The following GNA14 variants were observed in gnomAD, a reference collection of about 807,000 sequenced individuals.
GNA14 encodes guanine nucleotide-binding protein subunit alpha-14.
Under a neutral mutation model 42.0 loss-of-function variants are expected in GNA14, and 50 were observed. That is an observed-to-expected ratio of 1.19 (90% confidence interval 0.95 to 1.51). The LOEUF (loss-of-function observed/expected upper bound fraction) is 1.51. Among genes scored for constraint, GNA14 ranks in the 40% most tolerant of loss-of-function variants. The pLI is 0.00. For synonymous variants in GNA14, 173 were observed against 163.1 expected, an observed-to-expected ratio of 1.06 and a Z score of -0.46; for missense variants, 473 against 446.2, an observed-to-expected ratio of 1.06 and a Z score of -0.54.
intron 1 of GNA14, among the ~76,000 whole-genome samples, chr9:77,557,138 G>T (rs552520828): frequency 6.6e-6 from 1 of 152,276 alleles, no homozygotes; most frequent in South Asian, 2.1e-4. Context: ...CAGCAGCCTT[G>T]CCCTGGGCTG....
chr9:77,540,612 C>A lies in GNA14; in HGVS notation c.125-11359G>T, dbSNP rs188654100. 5.1e-4 allele frequency among the ~76,000 whole-genome samples: 78 copies of A among 152,204 alleles called. No homozygotes were observed. In the East Asian group the frequency reaches 0.012, roughly 23 times the overall value. ...TTATTGTACTGGAGTCTATCTCTCT[C>A]TTTAGATACAGTAATATTTGCTTAT... On this transcript the variant is annotated intron_variant, in intron 1 of 6. Coordinates refer to ENST00000341700, the MANE Select transcript of GNA14 (RefSeq NM_004297.4).
intron 2 of GNA14, among the ~76,000 whole-genome samples, chr9:77,451,239 T>C (rs1210772826): frequency 6.6e-6 from 1 of 152,256 alleles, no homozygotes; most frequent in East Asian, 1.9e-4. Context: ...AGTTTCCTCA[T>C]TGGTAAAATG....
At chr9:77,571,125 G>C (rs1823052215) in intron 1 of GNA14, among the ~76,000 whole-genome samples, 2 of 151,516 alleles carry the variant, frequency 1.3e-5, no homozygotes, top group African/African-American at 4.9e-5. Flanking sequence ...ATTTAAACCT[G>C]AGTCAGTTAT....
intron 2 of GNA14, among the ~76,000 whole-genome samples, chr9:77,500,530 T>C (rs1836948695): frequency 6.6e-6 from 1 of 152,080 alleles, no homozygotes; most frequent in South Asian, 2.1e-4. Flanking sequence ...ATGAGTACAG[T>C]CAAGATATAG....
intron 6 of GNA14, 40 bp downstream of exon 6, chr9:77,425,522 G>C: frequency 6.6e-7 from 1 of 1,516,118 alleles, no homozygotes; most frequent in African/African-American, 1.4e-5. Flanking sequence ...AGGTGGACGA[G>C]ATCAGCACAG....
intron 1 of GNA14, among the ~76,000 whole-genome samples, chr9:77,633,940 T>A (rs1411868462): frequency 6.6e-6 from 1 of 152,190 alleles, no homozygotes; most frequent in Non-Finnish European, 1.5e-5. Flanking sequence ...TAAACGTCAC[T>A]GCTTTAATAT....
At chr9:77,618,622 T>A (rs11145493) in intron 1 of GNA14, among the ~76,000 whole-genome samples, 61 of 21,226 alleles carry the variant, frequency 2.9e-3, no homozygotes, top group African/African-American at 0.013. Flanking sequence ...ATATATATAT[T>A]TTTTTTTTTT....
intron 2 of GNA14, among the ~76,000 whole-genome samples, chr9:77,469,763 A>G (rs1447376985): frequency 6.6e-6 from 1 of 152,182 alleles, no homozygotes; most frequent in African/African-American, 2.4e-5. Context: ...ATAAAGAGAC[A>G]GTCTTGGCAT....
chr9:77,555,493 G>A (rs1263912067), intron 1 of GNA14, among the ~76,000 whole-genome samples: 1 of 152,164 alleles, frequency 6.6e-6, no homozygotes, highest in African/African-American at 2.4e-5. Flanking sequence ...GACAGAGTGA[G>A]ACCCAATCAC....
At chr9:77,510,377 C>T (rs576592587) in intron 2 of GNA14, among the ~76,000 whole-genome samples, 63 of 152,118 alleles carry the variant, frequency 4.1e-4, no homozygotes, top group Non-Finnish European at 8.7e-4. Flanking sequence ...GCTCTGTCAC[C>T]CAGGCTGGAC....
At position 77,580,622 on chromosome 9, in the gene GNA14, C is replaced by T. The variant is rs182205840; in HGVS notation, c.125-51369G>A. ...ATGTTCAGGCTTGCCCTGCTCACTTCGGCTGACCTCCTCTCAGCCAGGCAC... is the reference window on the plus strand; with the variant it reads ...ATGTTCAGGCTTGCCCTGCTCACTTTGGCTGACCTCCTCTCAGCCAGGCAC... On this transcript the variant is annotated intron_variant, in intron 1 of 6. Coordinates refer to ENST00000341700, the MANE Select transcript of GNA14 (RefSeq NM_004297.4). 5.3e-4 allele frequency: 222 copies of T among 421,942 alleles called. 4 individuals are homozygous for T. Among genetic ancestry groups the T allele is most frequent in the South Asian group, 1.4e-3 (55 of 38,822 alleles). The allele number at this position is 421,942 out of a possible 1,614,324, so 26.1% of individuals were successfully genotyped here. A position where few individuals can be genotyped will look rare whatever the true frequency, so the allele number is the denominator to read the frequency against.
intron 2 of GNA14, among the ~76,000 whole-genome samples, chr9:77,480,392 G>A (rs2131728121): frequency 2.0e-5 from 3 of 152,270 alleles, no homozygotes; most frequent in Middle Eastern, 6.8e-3. Context: ...TGCATCCCAG[G>A]GATGAAGCCC....
chr9:77,490,788 G>A (rs1031687135), intron 2 of GNA14, among the ~76,000 whole-genome samples: 4 of 152,204 alleles, frequency 2.6e-5, no homozygotes, highest in Non-Finnish European at 5.9e-5. Flanking sequence ...TGCAAGCTGA[G>A]GGAGCCAGCT....
At chr9:77,629,288 A>C (rs2117999972) in intron 1 of GNA14, among the ~76,000 whole-genome samples, 1 of 152,356 alleles carries the variant, frequency 6.6e-6, no homozygotes, top group South Asian at 2.1e-4. Context: ...TTGGGAGTGT[A>C]AATTAGTTCA....
chr9:77,639,892 T>C (rs908491178), intron 1 of GNA14, among the ~76,000 whole-genome samples: 3 of 152,248 alleles, frequency 2.0e-5, no homozygotes, highest in Admixed American at 2.0e-4. Context: ...GTGAGGGCTC[T>C]TGCAGAGGCT....
At chr9:77,635,737 T>C (rs1488604410) in intron 1 of GNA14, among the ~76,000 whole-genome samples, 1 of 152,180 alleles carries the variant, frequency 6.6e-6, no homozygotes, top group African/African-American at 2.4e-5. Context: ...ATAATCAATG[T>C]TGCCTTAGAA....
At chr9:77,513,951 A>C in intron 2 of GNA14, among the ~76,000 whole-genome samples, 1 of 140,032 alleles carries the variant, frequency 7.1e-6, no homozygotes, top group Non-Finnish European at 1.5e-5. Context: ...TGTTCCCTTC[A>C]GCACTTTTTT....
intron 1 of GNA14, among the ~76,000 whole-genome samples, chr9:77,607,021 A>C (rs1208829875): frequency 2.0e-5 from 3 of 152,180 alleles, no homozygotes; most frequent in Non-Finnish European, 4.4e-5. Context: ...TGGCACTCTG[A>C]TCTCAGACTT....
chr9:77,636,652 A>ATG (rs1824188312), intron 1 of GNA14, among the ~76,000 whole-genome samples: 2 of 151,838 alleles, frequency 1.3e-5, no homozygotes, highest in South Asian at 4.2e-4. Flanking sequence ...GAGAGGAAGC[A>ATG]AGAGAGGTGG....
Sources: allele counts gnomAD v4.1 joint callset (sites outside exome capture counted in the v4.1 genomes callset), GRCh38; gene constraint gnomAD v4.1.1; transcripts MANE v1.5; gene names NCBI Gene and HGNC (gene_info 2026-07-23, HGNC 2026-07-21).